The following ZNF677 variants were observed in gnomAD, a reference collection of about 807,000 sequenced individuals.
ZNF677 encodes the protein zinc finger protein 677, also known as hypothetical protein MGC48625.
In ZNF677, 5 loss-of-function variants were observed where a neutral mutation model predicts 8.1. The observed-to-expected ratio is 0.62, with a 90% CI of 0.32 to 1.29. The LOEUF is 1.29. Ranked by LOEUF, ZNF677 falls within the 50% of genes most tolerant of loss-of-function variation. The probability of loss-of-function intolerance (pLI) is 0.05; values close to 1 mark genes in which losing one functional copy is unlikely to be tolerated. For missense variants in ZNF677, 685 were observed against 685.9 expected (o/e 1.00, Z 0.01); for synonymous variants, 221 against 225.6 (o/e 0.98, Z 0.18).
chr19:53,250,828 A>C (rs2965238), intron 3 of ZNF677, among the ~76,000 whole-genome samples: 65,550 of 152,032 alleles, frequency 0.43, 14,573 homozygotes, highest in East Asian at 0.75. Flanking sequence ...AAAAATAATA[A>C]ATTACAGACA....
intron 1 of ZNF677, 82 bp downstream of exon 1, chr19:53,254,752 G>T (rs928183577): frequency 1.3e-5 from 2 of 152,634 alleles, no homozygotes; most frequent in African/African-American, 2.4e-5. Context: ...TAACCTACAG[G>T]GCGACCCCAA....
At position 53,237,116 on chromosome 19, in the gene ZNF677, G is replaced by A. The variant is rs375926803; in HGVS notation, c.1611C>T (p.His537=). ...TATGTTTACAATGTTTCTTTTCAAT[G>A]TGTATTTTCTGGTGTCTAGTGAGGT... ...FANLTRHQKI[H]IEKKHCKHNI... is the part of the protein sequence containing the mutation. Residue 537 remains histidine, a synonymous_variant, in exon 5 of 5, where the codon CAC becomes CAT. Coordinates refer to ENST00000598513, the MANE Select transcript of ZNF677 (RefSeq NM_182609.4). 3.7e-6 allele frequency: 6 copies of A among 1,613,710 alleles called. No individual in the cohort carries two copies. The highest frequency in any genetic ancestry group is 5.1e-6 in the Non-Finnish European group (6 of 1,179,922).
Position 53,237,582 on chromosome 19 carries a change from T to C in ZNF677, c.1145A>G (p.Lys382Arg). 1 of 1,613,776 alleles carries C rather than the reference T, an allele frequency of 6.2e-7. No individual in the cohort carries two copies. The highest frequency in any genetic ancestry group is 8.5e-7 in the Non-Finnish European group (1 of 1,179,882). ...EKPYKCNECD[K>R]AFAERSSLTQ... ...AAGGCTTGAACGTTCAGCAAAGGCT[T>C]TGTCACATTCATTACATTTGTAAGG... The change falls in exon 5 of 5, where the codon AAA (lysine) becomes AGA (arginine). Residue 382 changes from lysine (K) to arginine (R), a missense_variant. Transcript: ENST00000598513.
At chr19:53,248,372 G>T (rs2091180583) in intron 3 of ZNF677, among the ~76,000 whole-genome samples, 1 of 152,040 alleles carries the variant, frequency 6.6e-6, no homozygotes, top group African/African-American at 2.4e-5. Context: ...CAGTAATATT[G>T]GCTTTTGTAT....
chr19:53,246,379 A>G (rs1278459656), intron 3 of ZNF677, among the ~76,000 whole-genome samples: 1 of 152,008 alleles, frequency 6.6e-6, no homozygotes, highest in African/African-American at 2.4e-5. Flanking sequence ...AAGAATTAAA[A>G]TCAGGATCTT....
intron 3 of ZNF677, among the ~76,000 whole-genome samples, chr19:53,248,921 A>G (rs1362929262): frequency 6.6e-6 from 1 of 152,116 alleles, no homozygotes; most frequent in Non-Finnish European, 1.5e-5. Flanking sequence ...GAAAATTCTT[A>G]TTAAGCATAC....
intron 4 of ZNF677, chr19:53,240,326 A>G (rs978191397): frequency 3.9e-5 from 6 of 152,362 alleles, no homozygotes; most frequent in Non-Finnish European, 5.9e-5. Flanking sequence ...GGCTCATCAC[A>G]ACCTCTGCCT....
At chr19:53,241,712 T>A in intron 4 of ZNF677, 1 of 394,466 alleles carries the variant, frequency 2.5e-6, no homozygotes. Flanking sequence ...CTCAGCATAC[T>A]GGGACATGCA....
rs757767895 is a variant in ZNF677, at chr19:53,237,956, G to A, written c.771C>T (p.His257=). Residue 257 remains histidine (H), a synonymous_variant, in exon 5 of 5, where the codon CAC becomes CAT. Transcript: ENST00000598513. ...PLLHTQYGRT[H]IREKSYKCND... is the part of the protein sequence containing the mutation. ...TACACTTGTATGATTTTTCTCTAAT[G>A]TGTGTTCTCCCATACTGTGTATGTA... 7 of 1,612,330 alleles carry A rather than the reference G, an allele frequency of 4.3e-6. 1 individual carries two copies. In the South Asian group the frequency reaches 6.6e-5, roughly 15 times the overall value.
intron 3 of ZNF677, chr19:53,249,255 T>C (rs1454191240): frequency 1.3e-5 from 2 of 152,220 alleles, no homozygotes; most frequent in Non-Finnish European, 2.9e-5. Flanking sequence ...AAGTATTTTT[T>C]AGTAAGTGTA....
chr19:53,238,603 G>A, intron 4 of ZNF677, 46 bp from the exon 5 acceptor site: 2 of 1,461,962 alleles, frequency 1.4e-6, no homozygotes, highest in South Asian at 2.9e-5. Context: ...AAATAGAGTT[G>A]CAAGGTAAAT....
chr19:53,241,614 G>A (rs1039970765), intron 4 of ZNF677: 12 of 378,906 alleles, frequency 3.2e-5, no homozygotes, highest in African/African-American at 1.9e-4. Flanking sequence ...TCTAACCAGC[G>A]TTGTCACACT....
Position 53,237,001 on chromosome 19 carries a change from T to C in ZNF677, c.1726A>G (p.Thr576Ala), listed in dbSNP as rs1257753771. 1 of 1,572,958 alleles carries C rather than the reference T, an allele frequency of 6.4e-7. No homozygotes were observed. Among genetic ancestry groups the C allele is most frequent in the African/African-American group, 1.4e-5 (1 of 72,958 alleles). ...NREKHIKYNE[T>A]KIKYSSCT The stretch of plus-strand genomic sequence containing the variant: ...GTACAGCTTGAATACTTAATTTTTG[T>C]CTCATTATATTTGATATGTTTTTCT... The change falls in exon 5 of 5, where the codon ACA becomes GCA. Residue 576 changes from threonine (T) to alanine (A), a missense_variant. Thr to Ala is a moderately conservative substitution (Grantham distance 58). Coordinates refer to ENST00000598513, the MANE Select transcript of ZNF677 (RefSeq NM_182609.4).
chr19:53,254,718 G>A (rs1238553275), intron 1 of ZNF677, 116 bp downstream of exon 1: 1 of 152,650 alleles, frequency 6.6e-6, no homozygotes, highest in East Asian at 1.9e-4. Flanking sequence ...CACGCCGCGA[G>A]AGGAATGAGC....
rs1568687585 is a variant in ZNF677, at chr19:53,237,340, TATTAC to T, written c.1382_1386del (p.Cys461Ter). 6.2e-7 allele frequency: 1 copy of T among 1,612,460 alleles called. No individual in the cohort carries two copies. The highest frequency in any genetic ancestry group is 8.5e-7 in the Non-Finnish European group (1 of 1,179,606). ...CGTTTGATAAAAGCTTTATCACATT[TATTAC>T]ATTTGTAAGGTTTTTCTCCAGTGTG... On this transcript the variant is annotated frameshift_variant, in exon 5 of 5. Coordinates refer to ENST00000598513, the MANE Select transcript of ZNF677 (RefSeq NM_182609.4). LOFTEE classifies it low-confidence loss of function (END_TRUNC).
At position 53,237,885 on chromosome 19, in the gene ZNF677, T is replaced by A. The variant is rs1479564021; in HGVS notation, c.842A>T (p.His281Leu). 1 of 1,613,534 alleles carries A rather than the reference T, an allele frequency of 6.2e-7. No homozygotes were observed. Among genetic ancestry groups the A allele is most frequent in the South Asian group, 1.1e-5 (1 of 91,076 alleles). ...TCTCTGTCCAGAGTGAATTCTCTGATGATTAGTGAGGTTCGAACTTTTGCT... is the reference window on the plus strand; with the variant it reads ...TCTCTGTCCAGAGTGAATTCTCTGAAGATTAGTGAGGTTCGAACTTTTGCT... ...AFSKSSNLTN[H>L]QRIHSGQRPY... The change falls in exon 5 of 5, where the codon CAT becomes CTT. Residue 281 changes from histidine to leucine, a missense_variant. Coordinates refer to ENST00000598513, the MANE Select transcript of ZNF677 (RefSeq NM_182609.4).
chr19:53,237,230 A>C lies in ZNF677; in HGVS notation c.1497T>G (p.Arg499=), dbSNP rs753390944. The C allele has an allele frequency of 1.2e-6, 2 of 1,612,766 alleles. No individual in the cohort carries two copies. Among genetic ancestry groups the C allele is most frequent in the Admixed American group, 3.3e-5 (2 of 59,962 alleles). ...TTTTCTTATGCTGAGTAAGATTTGA[A>C]CGTTCAGTAAAGGCTTTGCCACATT... ...CTECGKAFTE[R]SNLTQHKKIH... Residue 499 remains arginine, a synonymous_variant, in exon 5 of 5, where the codon CGT becomes CGG. Transcript: ENST00000598513.
chr19:53,237,632 A>G lies in ZNF677; in HGVS notation c.1095T>C (p.His365=). ...GTTTCTCTCCAGTATGAATTCTTTCATGACCCCAAAGGTGTGAACGCTGGA... is the reference window on the plus strand; with the variant it reads ...GTTTCTCTCCAGTATGAATTCTTTCGTGACCCCAAAGGTGTGAACGCTGGA... ...AFIQRSHLWG[H]ERIHTGEKPY... Residue 365 remains histidine, a synonymous_variant, in exon 5 of 5, where the codon CAT becomes CAC. Transcript: ENST00000598513. The G allele has an allele frequency of 6.2e-7, 1 of 1,613,736 alleles. No individual in the cohort carries two copies. Among genetic ancestry groups the G allele is most frequent in the South Asian group, 1.1e-5 (1 of 90,982 alleles).
intron 3 of ZNF677, among the ~76,000 whole-genome samples, chr19:53,246,487 T>TAC (rs60644090): frequency 0.031 from 4,291 of 140,290 alleles, 75 homozygotes; most frequent in Middle Eastern, 0.054. Flanking sequence ...AAAGAAAATG[T>TAC]ACACACACAC....
Sources: gnomAD v4.1 joint callset for allele counts (sites outside exome capture counted in the v4.1 genomes callset) on GRCh38, gnomAD v4.1.1 for gene constraint, MANE v1.5 for transcripts, NCBI Gene and HGNC (gene_info 2026-07-23, HGNC 2026-07-21) for gene names.